The following KIAA1217 variants were observed in gnomAD, a reference collection of about 807,000 sequenced individuals.
KIAA1217 encodes sickle tail protein homolog.
Under a neutral mutation model 163.9 loss-of-function variants are expected in KIAA1217, and 88 were observed. That is an observed-to-expected ratio of 0.54 (90% CI 0.45 to 0.64). The LOEUF (loss-of-function observed/expected upper bound fraction) is 0.64, where lower values mean the gene tolerates loss of function less well. KIAA1217 is among the 30% of genes least tolerant of loss of function. The pLI, the probability that KIAA1217 is intolerant of heterozygous loss-of-function variation, is 0.00. For synonymous variants in KIAA1217, 903 were observed against 923.1 expected, an observed-to-expected ratio of 0.98 and a Z score of 0.39; for missense variants, 2,372 against 2,475.0, an observed-to-expected ratio of 0.96 and a Z score of 0.88.
At chr10:24,182,193 T>C (rs1191825331) in intron 2 of KIAA1217, among the ~76,000 whole-genome samples, 2 of 152,202 alleles carry the variant, frequency 1.3e-5, no homozygotes, top group Non-Finnish European at 2.9e-5. Flanking sequence ...CCCAGCACTT[T>C]GGGAGGCTGA....
intron 1 of KIAA1217, among the ~76,000 whole-genome samples, chr10:23,800,733 A>G (rs1311385972): frequency 6.6e-6 from 1 of 152,212 alleles, no homozygotes; most frequent in Non-Finnish European, 1.5e-5. Context: ...AAACCTTATT[A>G]TCACTGGTTA....
chr10:24,497,719 CAAAA>C (rs576820337), intron 8 of KIAA1217, among the ~76,000 whole-genome samples: 1 of 75,504 alleles, frequency 1.3e-5, no homozygotes, highest in Admixed American at 1.6e-4. Flanking sequence ...GACCTTGTCT[CAAAA>C]AAAAAAAAAA....
At chr10:23,731,907 T>C (rs892575623) in intron 1 of KIAA1217, among the ~76,000 whole-genome samples, 4 of 152,180 alleles carry the variant, frequency 2.6e-5, no homozygotes, top group African/African-American at 4.8e-5. Flanking sequence ...ATTATGTTAA[T>C]TGATTTTTAA....
intron 2 of KIAA1217, among the ~76,000 whole-genome samples, chr10:24,113,201 A>G (rs1434151837): frequency 2.6e-5 from 4 of 152,180 alleles, no homozygotes; most frequent in African/African-American, 9.7e-5. Flanking sequence ...ACAGGCATTC[A>G]ATGGAGACTG....
At chr10:23,851,535 A>G (rs1394022405) in intron 1 of KIAA1217, among the ~76,000 whole-genome samples, 1 of 152,168 alleles carries the variant, frequency 6.6e-6, no homozygotes, top group African/African-American at 2.4e-5. Context: ...CCCAGTAAAG[A>G]GATGGCTGGG....
chr10:24,000,104 G>A (rs891545900), intron 1 of KIAA1217, among the ~76,000 whole-genome samples: 1 of 152,090 alleles, frequency 6.6e-6, no homozygotes, highest in Non-Finnish European at 1.5e-5. Context: ...TCATAAAAGT[G>A]TTGGAAGCAT....
intron 3 of KIAA1217, among the ~76,000 whole-genome samples, chr10:24,387,487 C>G (rs973224083): frequency 1.3e-5 from 2 of 152,178 alleles, no homozygotes; most frequent in African/African-American, 4.8e-5. Flanking sequence ...CCTTTGAAAA[C>G]TGGTAGAAGA....
At position 24,092,928 on chromosome 10, in the gene KIAA1217, TTGTG is replaced by T. The variant is rs72267704; in HGVS notation, c.-171+85577_-171+85580del. ...TAGTGTGTGTGTGTGTGTGTGTGTG[TTGTG>T]TGTGTGTGTGTGTGTGTGTGTGAAA... On this transcript the variant is annotated intron_variant, in intron 2 of 18. Transcript: ENST00000376462. Among the ~76,000 whole-genome samples the T allele has an allele frequency of 6.6e-3, 928 of 141,038 alleles. 11 individuals carry two copies. The highest frequency in any genetic ancestry group is 7.0e-3 in the Middle Eastern group (2 of 286). 92.5% of individuals were successfully genotyped at this position (141,038 alleles called of 152,430 possible).
intron 3 of KIAA1217, among the ~76,000 whole-genome samples, chr10:24,398,334 GA>G (rs2056103014): frequency 6.6e-6 from 1 of 152,268 alleles, no homozygotes; most frequent in African/African-American, 2.4e-5. Context: ...AGAAGAGGAG[GA>G]GGGGTTGGTC....
chr10:23,959,339 G>T lies in KIAA1217; in HGVS notation c.-320-47886G>T, dbSNP rs115587843. On this transcript the variant is annotated intron_variant, in intron 1 of 18. Transcript: ENST00000376462. The stretch of plus-strand genomic sequence containing the variant: ...GAGGCTAGGAGTTCGAGACCAGCCT[G>T]GGCAACATAGCAAGGAATTATCTCA... 5.3e-3 allele frequency among the ~76,000 whole-genome samples: 813 copies of T among 152,160 alleles called. 6 individuals are homozygous for T. The highest frequency in any genetic ancestry group is 0.019 in the African/African-American group (789 of 41,500).
rs1365712455 is a variant in KIAA1217, at chr10:24,533,068, A to G, written c.3247-2A>G. The G allele has an allele frequency of 6.2e-7, 1 of 1,604,444 alleles. No individual in the cohort carries two copies. The highest frequency in any genetic ancestry group is 8.5e-7 in the Non-Finnish European group (1 of 1,174,430). ...ACTATCTGTTGTTTCAATCTCCCAC[A>G]GGCAAGCAGTGAAGATGCTGGACCA... On this transcript the variant is annotated splice_acceptor_variant, in intron 15 of 20. Transcript: ENST00000376454. LOFTEE classifies it high-confidence loss of function.
intron 2 of KIAA1217, among the ~76,000 whole-genome samples, chr10:24,276,634 G>T (rs1257493847): frequency 3.6e-4 from 53 of 145,858 alleles, no homozygotes; most frequent in African/African-American, 1.3e-3. Context: ...TTCTGAGATG[G>T]AATCTCACTT....
At position 24,473,634 on chromosome 10, in the gene KIAA1217, C is replaced by T; in HGVS notation, c.1253C>T (p.Pro418Leu). The change falls in exon 6 of 21, where the codon CCC becomes CTC. Residue 418 changes from proline (P) to leucine (L), a missense_variant. Coordinates refer to ENST00000376454, the MANE Select transcript of KIAA1217 (RefSeq NM_019590.5). ...CATGGTGGACACCCACTGGATGTCC[C>T]CGACCACATCATTGCATATCACCGC... ...SSHGGHPLDVPDHIIAYHRTA... is the reference protein window; with the variant it reads ...SSHGGHPLDVLDHIIAYHRTA... 6.2e-7 allele frequency: 1 copy of T among 1,614,094 alleles called. No individual in the cohort carries two copies. The highest frequency in any genetic ancestry group is 8.5e-7 in the Non-Finnish European group (1 of 1,180,014).
At chr10:23,913,443 C>CT (rs1842517134) in intron 1 of KIAA1217, among the ~76,000 whole-genome samples, 2 of 151,494 alleles carry the variant, frequency 1.3e-5, no homozygotes, top group South Asian at 2.1e-4. Flanking sequence ...AGATGCTCTC[C>CT]TTTTTTGTCT....
intron 2 of KIAA1217, among the ~76,000 whole-genome samples, chr10:24,011,173 G>A (rs1847222113): frequency 6.6e-6 from 1 of 152,098 alleles, no homozygotes; most frequent in African/African-American, 2.4e-5. Context: ...CAGAACATTG[G>A]ATAGGTATTT....
At chr10:24,366,309 G>A (rs1469591874) in intron 2 of KIAA1217, among the ~76,000 whole-genome samples, 1 of 152,180 alleles carries the variant, frequency 6.6e-6, no homozygotes, top group East Asian at 1.9e-4. Context: ...GCCAGCTTTG[G>A]TGGTGGGCGC....
At chr10:24,236,754 C>T (rs1317969071) in intron 2 of KIAA1217, among the ~76,000 whole-genome samples, 1 of 151,676 alleles carries the variant, frequency 6.6e-6, no homozygotes, top group Non-Finnish European at 1.5e-5. Flanking sequence ...TGGGCTCAGG[C>T]GTTCCTCTCA....
chr10:23,898,499 C>T (rs1841806137), intron 1 of KIAA1217, among the ~76,000 whole-genome samples: 1 of 152,082 alleles, frequency 6.6e-6, no homozygotes, highest in East Asian at 1.9e-4. Context: ...CTAAAAATTA[C>T]ATAAGTTTGA....
chr10:24,059,535 A>G (rs1019744075), intron 2 of KIAA1217, among the ~76,000 whole-genome samples: 3 of 151,872 alleles, frequency 2.0e-5, no homozygotes, highest in African/African-American at 7.3e-5. Context: ...TTTGATTACT[A>G]ATTCAATTTC....
Sources: allele counts gnomAD v4.1 joint callset (sites outside exome capture counted in the v4.1 genomes callset), GRCh38; gene constraint gnomAD v4.1.1; transcripts MANE v1.5; gene names NCBI Gene and HGNC (gene_info 2026-07-23, HGNC 2026-07-21).